Variants in NPC1 observed in about 807,000 individuals in gnomAD.
NPC1 encodes Niemann-Pick C1 protein.
NPC1 carries 85 observed loss-of-function variants against 140.4 expected under a neutral mutation model. The ratio of observed to expected loss-of-function variants is 0.61; its 90% confidence interval spans 0.51 to 0.72. NPC1 has a LOEUF of 0.72. NPC1 is among the 30% of genes least tolerant of loss of function. The pLI, the probability that NPC1 is intolerant of heterozygous loss-of-function variation, is 0.00. For missense variants in NPC1, 1,504 were observed against 1,623.8 expected (o/e 0.93, Z 1.27); for synonymous variants, 656 against 624.8 (o/e 1.05, Z -0.74).
At chr18:23,522,077 G>A (rs928771680), downstream of NPC1, among the ~76,000 whole-genome samples, 5 of 152,186 alleles carry the variant, frequency 3.3e-5, no homozygotes, top group African/African-American at 7.2e-5. Flanking sequence ...GTTCAGAATC[G>A]CACTCTGGCT....
chr18:23,571,673 G>GA (rs1362255648), intron 3 of NPC1, among the ~76,000 whole-genome samples: 8 of 149,568 alleles, frequency 5.3e-5, no homozygotes, highest in Admixed American at 5.3e-4. Flanking sequence ...AAAAAATAAA[G>GA]AAAAACATAA....
chr18:23,565,272 G>A (rs1393150032), intron 4 of NPC1, among the ~76,000 whole-genome samples: 2 of 152,194 alleles, frequency 1.3e-5, no homozygotes, highest in Admixed American at 1.3e-4. Flanking sequence ...ACAATATTAA[G>A]TCTTTTGATT....
intron 24 of NPC1, chr18:23,533,116 GCAGA>G (rs1598931713): frequency 1.6e-6 from 1 of 617,504 alleles, no homozygotes; most frequent in East Asian, 3.8e-5. Context: ...CCTTTGTGAA[GCAGA>G]CAGATCAGGC....
At chr18:23,534,359 T>A in intron 23 of NPC1, 87 bp downstream of exon 23, 1 of 914,624 alleles carries the variant, frequency 1.1e-6, no homozygotes, top group Non-Finnish European at 1.8e-6. Flanking sequence ...AGCTGCTTTG[T>A]AAGTACAGGA....
chr18:23,570,025 T>C (rs1487484693), intron 3 of NPC1, among the ~76,000 whole-genome samples: 4 of 152,224 alleles, frequency 2.6e-5, no homozygotes, highest in South Asian at 2.1e-4. Flanking sequence ...ATGAAAAAAG[T>C]GTGTCCTGGC....
At chr18:23,521,070 G>A (rs2058130236), downstream of NPC1, among the ~76,000 whole-genome samples, 1 of 152,062 alleles carries the variant, frequency 6.6e-6, no homozygotes, top group Non-Finnish European at 1.5e-5. Flanking sequence ...GGCCAGACTG[G>A]TCTTGAACTC....
Position 23,554,605 on chromosome 18 carries a change from CA to C in NPC1, c.1553+152del, listed in dbSNP as rs11340795. On this transcript the variant is annotated intron_variant, in intron 9 of 24. Coordinates refer to ENST00000269228, the MANE Select transcript of NPC1 (RefSeq NM_000271.5). Reference sequence around the variant, plus strand: ...TGGGCGACAGAGCGAGACCCTGTCTCAAAAAAAAAAAAAAAAGATGATGTAA... The same window carrying C: ...TGGGCGACAGAGCGAGACCCTGTCTCAAAAAAAAAAAAAAAGATGATGTAA... Among the ~76,000 whole-genome samples, 77,584 of 134,836 alleles carry C rather than the reference CA, an allele frequency of 0.58. 21,371 individuals are homozygous for C. The highest frequency in any genetic ancestry group is 0.72 in the African/African-American group (26,673 of 37,202). The allele number at this position is 134,836 out of a possible 152,430, so 88.5% of individuals were successfully genotyped here. A position where few individuals can be genotyped will look rare whatever the true frequency, so the allele number is the denominator to read the frequency against.
intron 22 of NPC1, among the ~76,000 whole-genome samples, chr18:23,535,266 A>C (rs1437146757): frequency 6.6e-6 from 1 of 152,060 alleles, no homozygotes; most frequent in African/African-American, 2.4e-5. Context: ...CAGATGTCCA[A>C]CTCAATGCTC....
Position 23,586,365 on chromosome 18 carries a change from T to C in NPC1, c.-22A>G, listed in dbSNP as rs2303880. 1 of 1,531,676 alleles carries C rather than the reference T, an allele frequency of 6.5e-7. No homozygotes were observed. 94.9% of individuals were successfully genotyped at this position (1,531,676 alleles called of 1,614,324 possible). A position where few individuals can be genotyped will look rare whatever the true frequency, so the allele number is the denominator to read the frequency against. On this transcript the variant is annotated 5_prime_UTR_variant, in exon 1 of 25. Transcript: ENST00000269228. ...TCATGCTGTGGCCGCGCAAGGCTGCTGACGCCGGCGGCGTTCGGCTGGTTG... is the reference window on the plus strand; with the variant it reads ...TCATGCTGTGGCCGCGCAAGGCTGCCGACGCCGGCGGCGTTCGGCTGGTTG...
chr18:23,548,086 A>C lies in NPC1; in HGVS notation c.1677T>G (p.Thr559=), dbSNP rs2058814385. 2 of 1,610,176 alleles carry C rather than the reference A, an allele frequency of 1.2e-6. No individual in the cohort carries two copies. The highest frequency in any genetic ancestry group is 1.7e-6 in the Non-Finnish European group (2 of 1,176,590). ...TGACAGGGAAGGTAATCACAAGGGC[A>C]GTGGCGTTATTGTAGTTTTGATCTA... ...GYDDQNYNNA[T]ALVITFPVNN... The change falls in exon 11 of 25, where the codon ACT becomes ACG. Residue 559 remains threonine, a synonymous_variant. Transcript: ENST00000269228.
intron 1 of NPC1, among the ~76,000 whole-genome samples, chr18:23,581,511 A>G (rs1369742609): frequency 6.6e-6 from 1 of 152,212 alleles, no homozygotes; most frequent in African/African-American, 2.4e-5. Flanking sequence ...CTGCATCTAT[A>G]AAATAGGAAA....
rs748149280 is a variant in NPC1, at chr18:23,541,086, G to C, written c.2496C>G (p.Asp832Glu). ...CGCATACCACAATTGGTCTCATCCAGTCCTTTAGCAGAAGTGGAGAATAGG... is the reference window on the plus strand; with the variant it reads ...CGCATACCACAATTGGTCTCATCCACTCCTTTAGCAGAAGTGGAGAATAGG... ...KNSYSPLLLK[D>E]WMRPIVIAIF... is the part of the protein sequence containing the mutation. The change falls in exon 16 of 25, where the codon GAC becomes GAG. Residue 832 changes from aspartate (D) to glutamate (E), a missense_variant. Coordinates refer to ENST00000269228, the MANE Select transcript of NPC1 (RefSeq NM_000271.5). The C allele has an allele frequency of 1.2e-6, 2 of 1,614,192 alleles. No homozygotes were observed. Among genetic ancestry groups the C allele is most frequent in the Non-Finnish European group, 1.7e-6 (2 of 1,180,012 alleles).
chr18:23,524,197 A>C, intron 1 of NPC1: 1 of 1,612,352 alleles, frequency 6.2e-7, no homozygotes, highest in Non-Finnish European at 8.5e-7. Context: ...AAGGTGTGGC[A>C]CCGTGCACAA....
Position 23,531,964 on chromosome 18 carries a change from T to G in NPC1, c.*238A>C. 2 of 1,448,496 alleles carry G rather than the reference T, an allele frequency of 1.4e-6. No individual in the cohort carries two copies. Among genetic ancestry groups the G allele is most frequent in the Non-Finnish European group, 1.8e-6 (2 of 1,108,390 alleles). The allele number at this position is 1,448,496 out of a possible 1,614,324, so 89.7% of individuals were successfully genotyped here. A position where few individuals can be genotyped will look rare whatever the true frequency, so the allele number is the denominator to read the frequency against. On this transcript the variant is annotated 3_prime_UTR_variant, in exon 25 of 25. Transcript: ENST00000269228. ...CCTGCTTGCCAAAGAATGAGGTTTC[T>G]TTCCTGAAGAGGCTGGGAGAAGTTT...
intron 1 of NPC1, among the ~76,000 whole-genome samples, chr18:23,581,589 A>C (rs1478698804): frequency 6.6e-6 from 1 of 152,132 alleles, no homozygotes; most frequent in Non-Finnish European, 1.5e-5. Context: ...ATAGCAATGG[A>C]GTACTATGCA....
intron 21 of NPC1, among the ~76,000 whole-genome samples, 168 bp from the exon 22 acceptor site, chr18:23,535,868 A>C (rs142376000): frequency 2.0e-5 from 3 of 152,282 alleles, no homozygotes; most frequent in East Asian, 1.9e-4. Context: ...TTGACCTCTC[A>C]TGGCCACTGA....
intron 1 of NPC1, 72 bp downstream of exon 1, chr18:23,586,215 G>A: frequency 4.0e-6 from 6 of 1,491,246 alleles, no homozygotes; most frequent in Non-Finnish European, 5.4e-6. Flanking sequence ...CCGTCGCTGG[G>A]CCCGTCGCCT....
intron 3 of NPC1, among the ~76,000 whole-genome samples, chr18:23,511,122 T>C (rs2057846662): frequency 6.6e-6 from 1 of 152,242 alleles, no homozygotes; most frequent in Non-Finnish European, 1.5e-5. Flanking sequence ...GTGGTACATA[T>C]ATACCATGGA....
In NPC1 at chr18:23,535,601, G is replaced by A. The variant is rs2058617624; in HGVS notation, c.3345C>T (p.Val1115=). The A allele has an allele frequency of 6.2e-7, 1 of 1,614,144 alleles. No homozygotes were observed. The highest frequency in any genetic ancestry group is 8.5e-7 in the Non-Finnish European group (1 of 1,180,006). The change falls in exon 22 of 25, where the codon GTC becomes GTT. Residue 1115 remains valine (V), a synonymous_variant. Transcript: ENST00000269228. ...SLGAIFLVTM[V]LLGCELWSAV... ...CAGACCAGAGCTCACAGCCCAGGAG[G>A]ACCATGGTCACCAGAAATATCGCGC...
Sources: gnomAD v4.1 joint callset for allele counts (sites outside exome capture counted in the v4.1 genomes callset) on GRCh38, gnomAD v4.1.1 for gene constraint, MANE v1.5 for transcripts, NCBI Gene and HGNC (gene_info 2026-07-23, HGNC 2026-07-21) for gene names.